Variants in TTC28 observed in about 807,000 individuals in gnomAD.
TTC28 encodes the protein tetratricopeptide repeat protein 28.
A neutral mutation model predicts 198.0 loss-of-function variants in TTC28; 61 were observed. That is an observed-to-expected ratio of 0.31 (90% CI 0.25 to 0.38). The LOEUF is 0.38. TTC28 is among the 10% of genes least tolerant of loss of function. The pLI is 1.00. For synonymous variants in TTC28, 1,171 were observed against 1,297.8 expected (o/e 0.90, Z 2.10); for missense variants, 2,678 against 3,164.0 (o/e 0.85, Z 3.69).
At chr22:28,417,399 C>T (rs991263006) in intron 2 of TTC28, among the ~76,000 whole-genome samples, 11 of 151,428 alleles carry the variant, frequency 7.3e-5, no homozygotes, top group Non-Finnish European at 1.2e-4. Context: ...TCCTTAAGCC[C>T]GGGAGTTCAA....
intron 2 of TTC28, among the ~76,000 whole-genome samples, chr22:28,610,914 T>C (rs2050807770): frequency 6.6e-6 from 1 of 151,804 alleles, no homozygotes; most frequent in African/African-American, 2.4e-5. Context: ...GCATGAGAAC[T>C]TCATGAAGCA....
chr22:28,076,968 G>A (rs1288087612), intron 12 of TTC28, among the ~76,000 whole-genome samples: 2 of 152,068 alleles, frequency 1.3e-5, no homozygotes. Context: ...TCTGAAAAGT[G>A]TATTTTTATT....
intron 2 of TTC28, among the ~76,000 whole-genome samples, chr22:28,307,439 G>A (rs2045168167): frequency 1.3e-5 from 2 of 151,986 alleles, no homozygotes; most frequent in Non-Finnish European, 2.9e-5. Flanking sequence ...TAGACAGAGG[G>A]TCTCACTCTT....
chr22:28,003,985 C>T (rs1489488151), intron 14 of TTC28, among the ~76,000 whole-genome samples: 1 of 152,204 alleles, frequency 6.6e-6, no homozygotes, highest in Non-Finnish European at 1.5e-5. Context: ...ATGGTCCTTG[C>T]TTGCAGACTT....
chr22:28,346,704 A>G (rs935934401), intron 2 of TTC28, among the ~76,000 whole-genome samples: 1 of 152,188 alleles, frequency 6.6e-6, no homozygotes, highest in Admixed American at 6.5e-5. Flanking sequence ...CTGTAACGCA[A>G]GACTCTTTAC....
At chr22:28,134,366 T>TTA (rs1416382642) in intron 6 of TTC28, among the ~76,000 whole-genome samples, 3 of 152,178 alleles carry the variant, frequency 2.0e-5, no homozygotes, top group Non-Finnish European at 1.5e-5. Context: ...GGAGAATGAC[T>TTA]TTGATGAGTT....
At chr22:28,395,141 C>T (rs1273897737) in intron 2 of TTC28, among the ~76,000 whole-genome samples, 1 of 152,296 alleles carries the variant, frequency 6.6e-6, no homozygotes. Context: ...CCTGACAATG[C>T]TCCTTTAACC....
At chr22:28,199,262 C>A (rs1925664281) in intron 5 of TTC28, among the ~76,000 whole-genome samples, 1 of 151,276 alleles carries the variant, frequency 6.6e-6, no homozygotes, top group African/African-American at 2.4e-5. Context: ...GAATACTATG[C>A]ACAGAAGAAA....
At chr22:28,513,610 A>G (rs1378487830) in intron 2 of TTC28, among the ~76,000 whole-genome samples, 5 of 152,296 alleles carry the variant, frequency 3.3e-5, no homozygotes, top group Non-Finnish European at 7.4e-5. Context: ...TCTAAATTTT[A>G]AAAAGTTTGT....
chr22:28,606,095 G>T (rs1018512), intron 2 of TTC28, among the ~76,000 whole-genome samples: 108,848 of 146,866 alleles, frequency 0.74, 40,222 homozygotes, highest in South Asian at 0.84. Context: ...TTTTTTTTTT[G>T]TTTTTTGAGA....
Position 27,982,922 on chromosome 22 carries a change from A to G in TTC28, c.6745T>C (p.Tyr2249His). The change falls in exon 23 of 23, where the codon TAT becomes CAT. Residue 2249 changes from tyrosine (Y) to histidine (H), a missense_variant. By Grantham distance (83) the Tyr-to-His change is moderately conservative. Around this residue, in one of 8 missense-constraint regions of TTC28, gnomAD observed 622 missense variants for 656.0 expected, o/e 0.95. Coordinates refer to ENST00000397906, the MANE Select transcript of TTC28 (RefSeq NM_001145418.2). This position sits in a 1 kb window ranked among gnomAD's most constrained non-coding sequence, Gnocchi z 5.2. ...ATCTCTGAGGTGGTGGGGCTGCTATATCCGGAACTCACCTTGGGCAGGGAG... is the reference window on the plus strand; with the variant it reads ...ATCTCTGAGGTGGTGGGGCTGCTATGTCCGGAACTCACCTTGGGCAGGGAG... ...SSSLPKVSSG[Y>H]SSPTTSEMSI... 1 of 1,551,616 alleles carries G rather than the reference A, an allele frequency of 6.4e-7. No individual in the cohort carries two copies. The highest frequency in any genetic ancestry group is 8.7e-7 in the Non-Finnish European group (1 of 1,146,982).
intron 2 of TTC28, among the ~76,000 whole-genome samples, chr22:28,483,137 CCA>C (rs1482518148): frequency 6.6e-6 from 1 of 152,110 alleles, no homozygotes; most frequent in Non-Finnish European, 1.5e-5. Flanking sequence ...GAGCTGTTTT[CCA>C]CAGTCAAGCA....
intron 2 of TTC28, among the ~76,000 whole-genome samples, chr22:28,591,829 C>G (rs1246147208): frequency 6.6e-6 from 1 of 151,988 alleles, no homozygotes; most frequent in African/African-American, 2.4e-5. Flanking sequence ...GAAGTAATTT[C>G]TAGGGATACA....
At chr22:28,145,290 G>C (rs1943441949) in intron 6 of TTC28, among the ~76,000 whole-genome samples, 1 of 152,040 alleles carries the variant, frequency 6.6e-6, no homozygotes, top group Non-Finnish European at 1.5e-5. Context: ...TCACAAAACT[G>C]AGGCCCAGGA....
At chr22:28,321,829 T>C (rs1312146370) in intron 2 of TTC28, among the ~76,000 whole-genome samples, 1 of 152,190 alleles carries the variant, frequency 6.6e-6, no homozygotes, top group African/African-American at 2.4e-5. Flanking sequence ...GTTTGGGCCT[T>C]GGAAAACCCT....
chr22:28,114,202 GA>G (rs1942568475), intron 6 of TTC28, among the ~76,000 whole-genome samples: 1 of 152,202 alleles, frequency 6.6e-6, no homozygotes, highest in South Asian at 2.1e-4. Context: ...CTGCTTCACA[GA>G]AAAGTGCTGT....
intron 2 of TTC28, among the ~76,000 whole-genome samples, chr22:28,357,868 G>A (rs2046102254): frequency 6.6e-6 from 1 of 152,158 alleles, no homozygotes; most frequent in African/African-American, 2.4e-5. Context: ...ACACTGGGAT[G>A]CAACATGAGA....
chr22:28,166,240 C>A (rs1921927820), intron 5 of TTC28, among the ~76,000 whole-genome samples: 1 of 152,136 alleles, frequency 6.6e-6, no homozygotes, highest in Non-Finnish European at 1.5e-5. Flanking sequence ...ACTTTAAACC[C>A]CACTGTCAAC....
chr22:28,045,619 T>C (rs1173968386), intron 12 of TTC28, among the ~76,000 whole-genome samples: 1 of 152,178 alleles, frequency 6.6e-6, no homozygotes. Flanking sequence ...TGAATGTGTT[T>C]TACCTAAGAA....
Sources: gnomAD v4.1 joint callset for allele counts (sites outside exome capture counted in the v4.1 genomes callset) on GRCh38, gnomAD v4.1.1 for gene constraint, gnomAD v4.1.1 regional missense constraint, Gnocchi (gnomAD v3.1) non-coding constraint, MANE v1.5 for transcripts, NCBI Gene and HGNC (gene_info 2026-07-23, HGNC 2026-07-21) for gene names.